The following DCC variants were observed in gnomAD, a reference collection of about 807,000 sequenced individuals.
DCC encodes the protein DCC netrin 1 receptor.
DCC carries 58 observed loss-of-function variants against 172.5 expected under a neutral mutation model. The observed-to-expected ratio is 0.34, with a 90% CI of 0.27 to 0.42. The LOEUF (loss-of-function observed/expected upper bound fraction) is 0.42. Ranked by LOEUF, DCC falls within the 10% of genes least tolerant of loss-of-function variation. The pLI is 1.00. For missense variants in DCC, 1,740 were observed against 1,791.0 expected (o/e 0.97, Z 0.51); for synonymous variants, 709 against 644.5 (o/e 1.10, Z -1.52).
At chr18:53,353,429 C>A (rs1292102997) in intron 15 of DCC, among the ~76,000 whole-genome samples, 2 of 102,176 alleles carry the variant, frequency 2.0e-5, no homozygotes, top group African/African-American at 7.1e-5. Flanking sequence ...AAATAAATAT[C>A]CTTTAAAGGT....
At chr18:52,449,466 A>G (rs1055523456) in intron 1 of DCC, among the ~76,000 whole-genome samples, 2 of 152,252 alleles carry the variant, frequency 1.3e-5, no homozygotes, top group Admixed American at 6.5e-5. Flanking sequence ...TTAATGATTT[A>G]GTGTAGGCAA....
chr18:53,434,308 A>C (rs1412282709), intron 21 of DCC, among the ~76,000 whole-genome samples: 2 of 152,138 alleles, frequency 1.3e-5, no homozygotes, highest in East Asian at 3.9e-4. Context: ...TCACCTCTCA[A>C]ATGTTTTACA....
chr18:52,923,825 C>T lies in DCC; in HGVS notation c.816C>T (p.Thr272=), dbSNP rs375181330. ...CVSGYPPPSF[T]WLRGEEVIQL... Reference sequence around the variant, plus strand: ...CTGGCTATCCTCCACCAAGTTTTACCTGGTTACGAGGCGAGGAAGTCATCC... The same window carrying T: ...CTGGCTATCCTCCACCAAGTTTTACTTGGTTACGAGGCGAGGAAGTCATCC... The change falls in exon 4 of 29, where the codon ACC becomes ACT. Residue 272 remains threonine, a synonymous_variant. Transcript: ENST00000442544. The T allele has an allele frequency of 8.7e-6, 14 of 1,613,164 alleles. No individual in the cohort carries two copies. The highest frequency in any genetic ancestry group is 1.2e-5 in the Non-Finnish European group (14 of 1,179,506).
chr18:53,499,608 C>A (rs766227723), intron 27 of DCC, 98 bp downstream of exon 27: 20 of 974,712 alleles, frequency 2.1e-5, no homozygotes, highest in Non-Finnish European at 3.3e-5. Flanking sequence ...TGTCATATAT[C>A]TTTTCAATGC....
chr18:52,446,041 C>G (rs2144505364), intron 1 of DCC, among the ~76,000 whole-genome samples: 1 of 152,302 alleles, frequency 6.6e-6, no homozygotes, highest in African/African-American at 2.4e-5. Context: ...ACGTCATTCT[C>G]CTGCCTCAGC....
At chr18:53,321,413 G>A (rs972922047) in intron 13 of DCC, among the ~76,000 whole-genome samples, 7 of 152,064 alleles carry the variant, frequency 4.6e-5, no homozygotes, top group Admixed American at 3.3e-4. Context: ...AATGATCCAT[G>A]TGGTCTCTCT....
At chr18:53,179,835 A>G (rs1256035542) in intron 9 of DCC, among the ~76,000 whole-genome samples, 1 of 152,216 alleles carries the variant, frequency 6.6e-6, no homozygotes, top group African/African-American at 2.4e-5. Context: ...TTAGTTGCTG[A>G]TGAGTCATTC....
chr18:52,635,707 C>T (rs1481410791), intron 1 of DCC, among the ~76,000 whole-genome samples: 1 of 152,168 alleles, frequency 6.6e-6, no homozygotes, highest in East Asian at 1.9e-4. Flanking sequence ...AATATTTCTA[C>T]ATAAATCCTC....
At chr18:52,780,757 G>T (rs2037524275) in intron 2 of DCC, among the ~76,000 whole-genome samples, 1 of 152,106 alleles carries the variant, frequency 6.6e-6, no homozygotes, top group Non-Finnish European at 1.5e-5. Flanking sequence ...GTCACGTGAA[G>T]GTCTTCAGGG....
intron 8 of DCC, among the ~76,000 whole-genome samples, chr18:53,168,305 G>A (rs2144432043): frequency 6.6e-6 from 1 of 152,044 alleles, no homozygotes; most frequent in Non-Finnish European, 1.5e-5. Flanking sequence ...CAAAGACTTG[G>A]AACCAACCCA....
At chr18:53,413,779 A>T (rs1230162001) in intron 20 of DCC, among the ~76,000 whole-genome samples, 1 of 152,152 alleles carries the variant, frequency 6.6e-6, no homozygotes, top group Non-Finnish European at 1.5e-5. Context: ...TGATGAGGAT[A>T]GTTTCTTAAA....
chr18:52,490,282 G>C (rs1037439064), intron 1 of DCC, among the ~76,000 whole-genome samples: 1 of 152,060 alleles, frequency 6.6e-6, no homozygotes, highest in East Asian at 1.9e-4. Flanking sequence ...AAAATAGGAA[G>C]TTTTCCTCTT....
At chr18:52,475,498 C>G (rs1989066902) in intron 1 of DCC, among the ~76,000 whole-genome samples, 1 of 151,892 alleles carries the variant, frequency 6.6e-6, no homozygotes. Context: ...GTTGATGATA[C>G]AGGAAGGTAT....
intron 2 of DCC, among the ~76,000 whole-genome samples, chr18:52,797,836 A>G (rs769665370): frequency 3.1e-4 from 47 of 152,216 alleles, no homozygotes; most frequent in Non-Finnish European, 4.9e-4. Flanking sequence ...CGGACAGTAC[A>G]TTCACATGCA....
chr18:53,255,220 C>CTAT (rs764216213), intron 12 of DCC, among the ~76,000 whole-genome samples: 2 of 149,804 alleles, frequency 1.3e-5, no homozygotes, highest in African/African-American at 2.5e-5. Flanking sequence ...GTTTTTTTTT[C>CTAT]TATTATTATT....
chr18:53,028,869 A>G (rs2041991269), intron 5 of DCC, among the ~76,000 whole-genome samples: 1 of 152,164 alleles, frequency 6.6e-6, no homozygotes, highest in Non-Finnish European at 1.5e-5. Context: ...TATTCAGCTT[A>G]TATTCAGCTA....
chr18:52,806,033 T>C (rs1387513479), intron 2 of DCC, among the ~76,000 whole-genome samples: 1 of 152,244 alleles, frequency 6.6e-6, no homozygotes, highest in East Asian at 1.9e-4. Flanking sequence ...CTTTTAGGCA[T>C]ATTTGAAATA....
At chr18:52,607,362 T>A (rs924850121) in intron 1 of DCC, among the ~76,000 whole-genome samples, 1 of 152,122 alleles carries the variant, frequency 6.6e-6, no homozygotes, top group African/African-American at 2.4e-5. Context: ...GATATCCAGG[T>A]ACAGTGAGCA....
intron 1 of DCC, among the ~76,000 whole-genome samples, chr18:52,427,835 T>TCTTCCTTCCTTCCTTTCTTCCTTCCTTC (rs1987487777): frequency 2.4e-4 from 11 of 46,050 alleles, no homozygotes; most frequent in African/African-American, 6.7e-4. Flanking sequence ...TTCCTTCCTT[T>TCTTCCTTCCTTCCTTTCTTCCTTCCTTC]CTTCCTTCCT....
Sources: gnomAD v4.1 joint callset for allele counts (sites outside exome capture counted in the v4.1 genomes callset) on GRCh38, gnomAD v4.1.1 for gene constraint, MANE v1.5 for transcripts, NCBI Gene and HGNC (gene_info 2026-07-23, HGNC 2026-07-21) for gene names.